WDR72: variants seen among roughly 807,000 people sequenced by gnomAD.
WDR72 encodes the protein WD repeat domain 72, also known as WD repeat-containing protein 72.
WDR72 carries 120 observed loss-of-function variants against 124.2 expected under a neutral mutation model. The ratio of observed to expected loss-of-function variants is 0.97; its 90% confidence interval spans 0.83 to 1.12. The LOEUF (loss-of-function observed/expected upper bound fraction) is 1.12. Among genes scored for constraint, WDR72 ranks in the 50% most tolerant of loss-of-function variants. The probability of loss-of-function intolerance (pLI) is 0.00; values close to 1 mark genes in which losing one functional copy is unlikely to be tolerated. For synonymous variants in WDR72, 452 were observed against 441.7 expected, an observed-to-expected ratio of 1.02 and a Z score of -0.29; for missense variants, 1,387 against 1,278.8, an observed-to-expected ratio of 1.08 and a Z score of -1.29.
At chr15:53,544,842 A>T (rs1476687950) in intron 18 of WDR72, among the ~76,000 whole-genome samples, 2 of 152,046 alleles carry the variant, frequency 1.3e-5, no homozygotes, top group East Asian at 3.8e-4. Flanking sequence ...ACATACAAAA[A>T]TCACAAACAT....
chr15:53,615,817 AT>A lies in WDR72; in HGVS notation c.2388del (p.Lys796AsnfsTer16), dbSNP rs756471926. ...CATGGCAAAAGGCAAGACAGAAACA[AT>A]TTTGCTGTGTCTATTGTGAGACTGG... is the stretch of plus-strand genomic sequence containing the variant. ...VDASLTIDTA[K>X]LFLSCLLPWG... On this transcript the variant is annotated frameshift_variant, in exon 15 of 20. Transcript: ENST00000360509. LOFTEE classifies it high-confidence loss of function. 5 of 1,613,428 alleles carry A rather than the reference AT, an allele frequency of 3.1e-6. No homozygotes were observed. The African/African-American group carries it at 5.3e-5, about 17-fold the overall frequency.
At chr15:53,548,483 A>G (rs926094726) in intron 18 of WDR72, among the ~76,000 whole-genome samples, 2 of 152,154 alleles carry the variant, frequency 1.3e-5, no homozygotes, top group Non-Finnish European at 2.9e-5. Context: ...TTGAGAAGAG[A>G]GAGTTAGTTG....
chr15:53,615,468 T>A lies in WDR72; in HGVS notation c.2738A>T (p.Lys913Ile), dbSNP rs951690282. The A allele has an allele frequency of 1.2e-6, 2 of 1,611,968 alleles. No homozygotes were observed. The highest frequency in any genetic ancestry group is 1.3e-5 in the African/African-American group (1 of 74,910). Residue 913 changes from lysine to isoleucine, a missense_variant, in exon 15 of 20, where the codon AAA becomes ATA. Physicochemically the swap from Lys to Ile is moderately radical, Grantham distance 102 (BLOSUM62 -3). Coordinates refer to ENST00000360509, the MANE Select transcript of WDR72 (RefSeq NM_182758.4). ...CAATTCTAAAGGCATGTTAACTAAT[T>A]TATTAACTAAAAATAGTCTGCTCAA... ...YLLSRLFLVN[K>I]LVNMPLELAC...
At chr15:53,601,669 G>T (rs571164801) in intron 17 of WDR72, among the ~76,000 whole-genome samples, 1 of 151,826 alleles carries the variant, frequency 6.6e-6, no homozygotes, top group Non-Finnish European at 1.5e-5. Context: ...GTGGAAAAAA[G>T]GAAAAAGCAG....
chr15:53,547,840 A>G (rs1337097896), intron 18 of WDR72, among the ~76,000 whole-genome samples: 1 of 152,240 alleles, frequency 6.6e-6, no homozygotes, highest in East Asian at 1.9e-4. Context: ...TGCTTAGGGC[A>G]TCTGAAGGAA....
rs187557175 is a variant in WDR72 at position 53,589,065 on chromosome 15, G to A, written c.3148+8014C>T. Among the ~76,000 whole-genome samples, 52 of 152,038 alleles carry A rather than the reference G, an allele frequency of 3.4e-4. 1 individual carries two copies. In the Middle Eastern group the frequency reaches 0.01, roughly 30 times the overall value. ...TGGATAAACTGTAACTGAATAAGGA[G>A]TGAGGTAAGTTTCAGGCAAGGCTCA... On this transcript the variant is annotated intron_variant, in intron 18 of 19. Transcript: ENST00000360509.
At chr15:53,593,544 T>G (rs958559037) in intron 18 of WDR72, among the ~76,000 whole-genome samples, 1 of 151,962 alleles carries the variant, frequency 6.6e-6, no homozygotes, top group Non-Finnish European at 1.5e-5. Context: ...GGCAGATTGC[T>G]GGAGCTCAGG....
intron 19 of WDR72, among the ~76,000 whole-genome samples, chr15:53,518,090 G>C (rs1449091322): frequency 2.0e-5 from 3 of 151,630 alleles, no homozygotes; most frequent in Admixed American, 1.3e-4. Context: ...AATTTAGTTT[G>C]AAATTAGTAA....
intron 17 of WDR72, among the ~76,000 whole-genome samples, chr15:53,608,335 G>C (rs2013378125): frequency 6.6e-6 from 1 of 152,018 alleles, no homozygotes. Flanking sequence ...GCACTATTCA[G>C]TTATAAAAAA....
intron 18 of WDR72, among the ~76,000 whole-genome samples, chr15:53,524,834 G>C (rs1317792121): frequency 6.6e-6 from 1 of 151,982 alleles, no homozygotes; most frequent in Non-Finnish European, 1.5e-5. Flanking sequence ...TGTTTCTGTG[G>C]ACTTCACATG....
In WDR72 at chr15:53,597,159, TCA is replaced by T; in HGVS notation, c.3066_3067del (p.Cys1022Ter). 1.2e-6 allele frequency: 2 copies of T among 1,613,976 alleles called. No homozygotes were observed. Among genetic ancestry groups the T allele is most frequent in the Non-Finnish European group, 1.7e-6 (2 of 1,179,906 alleles). On this transcript the variant is annotated stop_gained and frameshift_variant, in exon 18 of 20. Coordinates refer to ENST00000360509, the MANE Select transcript of WDR72 (RefSeq NM_182758.4). LOFTEE classifies it high-confidence loss of function. ...CAGCTTTGGCAGCATCTGCTTCATC[TCA>T]CAGTTACCATTCTCTGCCATGGACA...
chr15:53,623,956 A>G (rs963757538), intron 14 of WDR72, among the ~76,000 whole-genome samples: 1 of 151,950 alleles, frequency 6.6e-6, no homozygotes, highest in Non-Finnish European at 1.5e-5. Flanking sequence ...GCATCTTTTC[A>G]TATGTTTCTT....
At chr15:53,726,262 G>GTGTGTA (rs1555428773) in intron 2 of WDR72, among the ~76,000 whole-genome samples, 5 of 55,708 alleles carry the variant, frequency 9.0e-5, no homozygotes, top group African/African-American at 3.7e-4. Context: ...ATATGTATGT[G>GTGTGTA]TGTATATATA....
intron 13 of WDR72, among the ~76,000 whole-genome samples, chr15:53,677,517 C>T (rs1234024576): frequency 6.6e-6 from 1 of 152,122 alleles, no homozygotes; most frequent in Non-Finnish European, 1.5e-5. Flanking sequence ...TTGGGAGGGA[C>T]CCCGTGGGAG....
rs961706295 is a variant in WDR72 at position 53,665,774 on chromosome 15, A to G, written c.1766-6T>C. 5.6e-6 allele frequency: 9 copies of G among 1,613,270 alleles called. No individual in the cohort carries two copies. In the African/African-American group the frequency reaches 1.2e-4, roughly 22 times the overall value. On this transcript the variant is annotated splice_polypyrimidine_tract_variant and splice_region_variant and intron_variant, in intron 13 of 19. Transcript: ENST00000360509. ...CTCATGTCTTTCCAAAGTGCCTGGA[A>G]AACAAGATTAGAGGTAAAAATGTCA... is the stretch of plus-strand genomic sequence containing the variant.
At position 53,702,327 on chromosome 15, in the gene WDR72, C is replaced by A; in HGVS notation, c.1376G>T (p.Gly459Val). ...TAATGAAGTGACACTTTGGTGGTGG[C>A]CTTTAAGAACTTTATGAGGGGGAGA... is the stretch of plus-strand genomic sequence containing the variant. ...KDSPPHKVLKGHHQSVTSLLY... is the reference protein window; with the variant it reads ...KDSPPHKVLKVHHQSVTSLLY... Residue 459 changes from glycine to valine, a missense_variant, in exon 12 of 20, where the codon GGC (glycine) becomes GTC (valine). Physicochemically the swap from Gly to Val is moderately radical, Grantham distance 109 (BLOSUM62 -3). Coordinates refer to ENST00000360509, the MANE Select transcript of WDR72 (RefSeq NM_182758.4). 6.2e-7 allele frequency: 1 copy of A among 1,613,702 alleles called. No individual in the cohort carries two copies. The highest frequency in any genetic ancestry group is 8.5e-7 in the Non-Finnish European group (1 of 1,179,776).
At chr15:53,554,340 A>C (rs748507019) in intron 18 of WDR72, among the ~76,000 whole-genome samples, 1 of 152,118 alleles carries the variant, frequency 6.6e-6, no homozygotes, top group Non-Finnish European at 1.5e-5. Context: ...GAAAAAAAAA[A>C]CTTAACAATG....
At chr15:53,684,571 TCTC>T (rs1446149044) in intron 13 of WDR72, 12 of 158,002 alleles carry the variant, frequency 7.6e-5, no homozygotes, top group African/African-American at 2.9e-4. Context: ...GCCCATGGAG[TCTC>T]GCTGATTGCT....
At chr15:53,716,795 T>G in intron 3 of WDR72, 110 bp from the exon 4 acceptor site, 1 of 636,972 alleles carries the variant, frequency 1.6e-6, no homozygotes, top group Non-Finnish European at 2.9e-6. Flanking sequence ...ATGTGGCTTT[T>G]TGTTACAGAT....
Sources: allele counts gnomAD v4.1 joint callset (sites outside exome capture counted in the v4.1 genomes callset), GRCh38; gene constraint gnomAD v4.1.1; transcripts MANE v1.5; gene names NCBI Gene and HGNC (gene_info 2026-07-23, HGNC 2026-07-21).